USP31: variants seen among roughly 807,000 people sequenced by gnomAD.
USP31 encodes ubiquitin specific peptidase 31, also known as ubiquitin carboxyl-terminal hydrolase 31.
USP31 carries 44 observed loss-of-function variants against 119.4 expected under a neutral mutation model. That is an observed-to-expected ratio of 0.37 (90% CI 0.29 to 0.47). USP31 has a LOEUF of 0.47. Among genes scored for constraint, USP31 ranks in the 20% least tolerant of loss-of-function variants. The probability of loss-of-function intolerance (pLI) is 0.99; values close to 1 mark genes in which losing one functional copy is unlikely to be tolerated. For missense variants in USP31, 1,643 were observed against 1,730.2 expected, an observed-to-expected ratio of 0.95 and a Z score of 0.89; for synonymous variants, 749 against 705.6, an observed-to-expected ratio of 1.06 and a Z score of -0.97.
In USP31 at chr16:23,067,822, G is replaced by A. The variant is rs1900139173; in HGVS notation, c.*224C>T. On this transcript the variant is annotated 3_prime_UTR_variant, in exon 16 of 16. Coordinates refer to ENST00000219689, the MANE Select transcript of USP31 (RefSeq NM_020718.4). ...TTATTCCAGTTAGCTTGGTGTCAAT[G>A]TTTTGCCTATGGCTGTTATTTGGTT... is the stretch of plus-strand genomic sequence containing the variant. 1 of 495,978 alleles carries A rather than the reference G, an allele frequency of 2.0e-6. No homozygotes were observed. Among genetic ancestry groups the A allele is most frequent in the Non-Finnish European group, 3.4e-6 (1 of 291,452 alleles). 30.7% of individuals were successfully genotyped at this position (495,978 alleles called of 1,614,324 possible). A position where few individuals can be genotyped will look rare whatever the true frequency, so the allele number is the denominator to read the frequency against.
rs13337684 is a variant in USP31 at position 23,127,872 on chromosome 16, G to A, written c.634-19689C>T. 2.8e-4 allele frequency among the ~76,000 whole-genome samples: 42 copies of A among 152,152 alleles called. No individual in the cohort carries two copies. The East Asian group carries it at 8.1e-3, about 29-fold the overall frequency. ...AAAACACAGTAATTTGTACCATACG[G>A]TCCTAGTAGAATATATGCTATGGAC... On this transcript the variant is annotated intron_variant, in intron 1 of 15. Coordinates refer to ENST00000219689, the MANE Select transcript of USP31 (RefSeq NM_020718.4).
intron 6 of USP31, among the ~76,000 whole-genome samples, chr16:23,091,970 G>A (rs550160669): frequency 5.6e-4 from 85 of 152,266 alleles, no homozygotes; most frequent in African/African-American, 1.9e-3. Context: ...GGTAAGGGTG[G>A]GAAGATCTGT....
chr16:23,139,173 C>T (rs765519350), intron 1 of USP31, among the ~76,000 whole-genome samples: 11 of 152,144 alleles, frequency 7.2e-5, no homozygotes, highest in South Asian at 2.1e-4. Context: ...GAGGCCGAGG[C>T]GGGTGGACCA....
chr16:23,113,844 C>T (rs1322942552), intron 1 of USP31, among the ~76,000 whole-genome samples: 1 of 152,098 alleles, frequency 6.6e-6, no homozygotes, highest in Non-Finnish European at 1.5e-5. Flanking sequence ...GTGGCTCACA[C>T]CTGTAATCCC....
chr16:23,089,539 G>A (rs1901259887), intron 7 of USP31, among the ~76,000 whole-genome samples: 1 of 152,234 alleles, frequency 6.6e-6, no homozygotes, highest in African/African-American at 2.4e-5. Context: ...GCATAAATAT[G>A]CATATCAACA....
At position 23,087,779 on chromosome 16, in the gene USP31, T is replaced by C. The variant is rs1901174226; in HGVS notation, c.1472A>G (p.Gln491Arg). Reference sequence around the variant, plus strand: ...CTTCATCTTCTCCAAGATTTCCTTCTGCAGAAGGTCCCAAGCTATTGTCTT... The same window carrying C: ...CTTCATCTTCTCCAAGATTTCCTTCCGCAGAAGGTCCCAAGCTATTGTCTT... ...LEKTIAWDLL[Q>R]KEILEKMKYF... The change falls in exon 8 of 16, where the codon CAG becomes CGG. Residue 491 changes from glutamine to arginine, a missense_variant. Transcript: ENST00000219689. 1.2e-6 allele frequency: 2 copies of C among 1,614,128 alleles called. No homozygotes were observed. The highest frequency in any genetic ancestry group is 1.7e-6 in the Non-Finnish European group (2 of 1,180,034).
Position 23,067,757 on chromosome 16 carries a change from G to A in USP31, c.*289C>T. On this transcript the variant is annotated 3_prime_UTR_variant, in exon 16 of 16. Transcript: ENST00000219689. ...ATTAGAGTTCTCTAGAAAGAAATATGTACAATTGCTAAAGGGACCGTCCTG... is the reference window on the plus strand; with the variant it reads ...ATTAGAGTTCTCTAGAAAGAAATATATACAATTGCTAAAGGGACCGTCCTG... 2 of 263,132 alleles carry A rather than the reference G, an allele frequency of 7.6e-6. No homozygotes were observed. The highest frequency in any genetic ancestry group is 1.4e-5 in the Non-Finnish European group (2 of 139,214). The allele number at this position is 263,132 out of a possible 1,614,324, so 16.3% of individuals were successfully genotyped here. A position where few individuals can be genotyped will look rare whatever the true frequency, so the allele number is the denominator to read the frequency against.
chr16:23,073,809 C>T lies in USP31; in HGVS notation c.2248G>A (p.Asp750Asn), dbSNP rs1438735190. The change falls in exon 14 of 16, where the codon GAT becomes AAT. Residue 750 changes from aspartate (D) to asparagine (N), a missense_variant. Asp to Asn is a conservative substitution (Grantham distance 23, BLOSUM62 1). This residue lies in a region of USP31 where 279 missense variants were observed against 372.2 expected (regional missense o/e 0.75). Coordinates refer to ENST00000219689, the MANE Select transcript of USP31 (RefSeq NM_020718.4). Reference protein sequence around the residue: ...DDSDVQQLSEDEVCTQTAYIL... With the variant: ...DDSDVQQLSENEVCTQTAYIL... ...TATGCTGTCTGCGTGCAGACCTCAT[C>T]TTCTGACAGCTGCTGCACATCGCTG... The T allele has an allele frequency of 1.9e-6, 3 of 1,614,190 alleles. No individual in the cohort carries two copies. Among genetic ancestry groups the T allele is most frequent in the Middle Eastern group, 3.3e-4 (2 of 6,058 alleles).
chr16:23,149,115 G>C lies in USP31; in HGVS notation c.156C>G (p.Pro52=), dbSNP rs750282186. Residue 52 remains proline, a synonymous_variant, in exon 1 of 16, where the codon CCC becomes CCG. Transcript: ENST00000219689. The part of the protein sequence containing the change: ...GASGPAAPSS[P]SSPSSARSVG... ...CCGAGCGTGCAGAGGAGGGCGAGGAGGGCGAGGAAGGCGCGGCCGGCCCGG... is the reference window on the plus strand; with the variant it reads ...CCGAGCGTGCAGAGGAGGGCGAGGACGGCGAGGAAGGCGCGGCCGGCCCGG... The C allele has an allele frequency of 7.9e-7, 1 of 1,258,948 alleles. No individual in the cohort carries two copies. The highest frequency in any genetic ancestry group is 2.8e-5 in the Admixed American group (1 of 35,346). The allele number at this position is 1,258,948 out of a possible 1,614,324, so 78.0% of individuals were successfully genotyped here.
At chr16:23,071,846 C>T (rs1900360640) in intron 15 of USP31, among the ~76,000 whole-genome samples, 199 bp downstream of exon 15, 1 of 151,950 alleles carries the variant, frequency 6.6e-6, no homozygotes, top group South Asian at 2.1e-4. Flanking sequence ...AGTACTGGGA[C>T]ACAGGAAAAG....
chr16:23,087,223 T>G, intron 8 of USP31, 37 bp from the exon 9 acceptor site: 1 of 1,588,736 alleles, frequency 6.3e-7, no homozygotes, highest in Non-Finnish European at 8.6e-7. Flanking sequence ...AGCCAAATTT[T>G]TCTTCAAGGG....
rs1250835746 is a variant in USP31, at chr16:23,065,159, TACA to T, written c.*2884_*2886del. ...TTAAAAAGCAAACAAACATTACAGA[TACA>T]ACATTACTGTTGGTGATTATTTTGT... On this transcript the variant is annotated 3_prime_UTR_variant, in exon 16 of 16. Transcript: ENST00000219689. The T allele has an allele frequency of 6.6e-6, 1 of 152,070 alleles. No individual in the cohort carries two copies. The highest frequency in any genetic ancestry group is 1.5e-5 in the Non-Finnish European group (1 of 68,010). 9.4% of individuals were successfully genotyped at this position (152,070 alleles called of 1,614,324 possible). A position where few individuals can be genotyped will look rare whatever the true frequency, so the allele number is the denominator to read the frequency against.
At position 23,146,967 on chromosome 16, in the gene USP31, A is replaced by T. The variant is rs80162185; in HGVS notation, c.633+1671T>A. Among the ~76,000 whole-genome samples the T allele has an allele frequency of 4.3e-3, 373 of 87,094 alleles. 7 individuals are homozygous for T. The highest frequency in any genetic ancestry group is 0.037 in the Admixed American group (278 of 7,474). 57.1% of individuals were successfully genotyped at this position (87,094 alleles called of 152,430 possible). A position where few individuals can be genotyped will look rare whatever the true frequency, so the allele number is the denominator to read the frequency against. On this transcript the variant is annotated intron_variant, in intron 1 of 15. Coordinates refer to ENST00000219689, the MANE Select transcript of USP31 (RefSeq NM_020718.4). ...TCTAGACTTGAAGCTTGTTCTGTTT[A>T]AAAAAAAAAAAAAAAATGGGTGGGG... is the stretch of plus-strand genomic sequence containing the variant.
At chr16:23,145,270 G>A (rs1009451568) in intron 1 of USP31, among the ~76,000 whole-genome samples, 6 of 152,182 alleles carry the variant, frequency 3.9e-5, no homozygotes, top group African/African-American at 1.2e-4. Context: ...TGTTAGAAAT[G>A]CAGAATCTTG....
chr16:23,078,949 A>T, intron 13 of USP31: 1 of 152,294 alleles, frequency 6.6e-6, no homozygotes, highest in South Asian at 2.1e-4. Flanking sequence ...ATTATGCTAC[A>T]TGAAATAACC....
chr16:23,085,952 T>TA (rs1567230468), intron 9 of USP31, among the ~76,000 whole-genome samples: 1 of 152,218 alleles, frequency 6.6e-6, no homozygotes, highest in East Asian at 1.9e-4. Context: ...CACTCTCAGA[T>TA]AGTCATTATG....
At chr16:23,125,110 T>C (rs910378394) in intron 1 of USP31, among the ~76,000 whole-genome samples, 5 of 152,118 alleles carry the variant, frequency 3.3e-5, no homozygotes, top group African/African-American at 9.7e-5. Flanking sequence ...GCTGGGTTGG[T>C]TGGTGTGTTG....
chr16:23,066,152 G>A lies in USP31; in HGVS notation c.*1894C>T, dbSNP rs914306416. 6.6e-6 allele frequency: 1 copy of A among 152,274 alleles called. No individual in the cohort carries two copies. Among genetic ancestry groups the A allele is most frequent in the Non-Finnish European group, 1.5e-5 (1 of 68,044 alleles). 9.4% of individuals were successfully genotyped at this position (152,274 alleles called of 1,614,324 possible). On this transcript the variant is annotated 3_prime_UTR_variant, in exon 16 of 16. Coordinates refer to ENST00000219689, the MANE Select transcript of USP31 (RefSeq NM_020718.4). ...CACCAAAATCTGAACAGTAAAACCAGGACAGCGAGTGAAGAAGTGAGTACA... is the reference window on the plus strand; with the variant it reads ...CACCAAAATCTGAACAGTAAAACCAAGACAGCGAGTGAAGAAGTGAGTACA...
chr16:23,107,498 G>A (rs1460309196), intron 2 of USP31, among the ~76,000 whole-genome samples: 1 of 152,156 alleles, frequency 6.6e-6, no homozygotes, highest in East Asian at 1.9e-4. Context: ...AACTTTAAAA[G>A]CTGCCCAAGG....
Sources: allele counts gnomAD v4.1 joint callset (sites outside exome capture counted in the v4.1 genomes callset), GRCh38; gene constraint gnomAD v4.1.1; regional missense constraint gnomAD v4.1.1; transcripts MANE v1.5; gene names NCBI Gene and HGNC (gene_info 2026-07-23, HGNC 2026-07-21).